Variants in PLXNC1 observed in about 807,000 individuals in gnomAD.
PLXNC1 encodes the protein plexin C1.
Under a neutral mutation model 178.2 loss-of-function variants are expected in PLXNC1, and 75 were observed. The ratio of observed to expected loss-of-function variants is 0.42; its 90% CI spans 0.35 to 0.51. PLXNC1 has a LOEUF of 0.51. PLXNC1 is among the 20% of genes least tolerant of loss of function. PLXNC1 has a pLI of 0.02. For missense variants in PLXNC1, 1,503 were observed against 1,984.4 expected (o/e 0.76, Z 4.61); for synonymous variants, 790 against 779.9 (o/e 1.01, Z -0.22).
intron 2 of PLXNC1, among the ~76,000 whole-genome samples, chr12:94,174,595 T>C (rs1255795492): frequency 1.3e-5 from 2 of 152,212 alleles, no homozygotes; most frequent in Admixed American, 1.3e-4. Context: ...GCCTTGACTC[T>C]GGTTATTGAA....
At chr12:94,249,162 G>A (rs1287075961) in intron 14 of PLXNC1, among the ~76,000 whole-genome samples, 2 of 152,144 alleles carry the variant, frequency 1.3e-5, no homozygotes, top group Non-Finnish European at 2.9e-5. Context: ...ATAGCTCTGT[G>A]GCCTTAGGTA....
intron 15 of PLXNC1, among the ~76,000 whole-genome samples, chr12:94,252,951 G>T (rs1419573228): frequency 6.6e-6 from 1 of 152,178 alleles, no homozygotes; most frequent in Admixed American, 6.5e-5. Flanking sequence ...GGTGGCTCAT[G>T]CCTGTAATCC....
At chr12:94,195,593 C>T (rs944212289) in intron 4 of PLXNC1, among the ~76,000 whole-genome samples, 46 of 152,258 alleles carry the variant, frequency 3.0e-4, no homozygotes, top group African/African-American at 1.1e-3. Context: ...TATAAGGTAT[C>T]TGTATGCGTC....
chr12:94,276,551 C>T (rs1965975095), intron 21 of PLXNC1, among the ~76,000 whole-genome samples: 1 of 152,224 alleles, frequency 6.6e-6, no homozygotes, highest in African/African-American at 2.4e-5. Context: ...TGCAGTTAGG[C>T]AAATCTGGCT....
intron 23 of PLXNC1, among the ~76,000 whole-genome samples, chr12:94,285,090 G>A (rs544416397): frequency 6.9e-6 from 1 of 145,722 alleles, no homozygotes; most frequent in African/African-American, 2.5e-5. Flanking sequence ...GGGATAGTAA[G>A]ATGAGGGTGG....
intron 21 of PLXNC1, among the ~76,000 whole-genome samples, chr12:94,266,230 G>A (rs949681944): frequency 3.3e-5 from 5 of 152,192 alleles, no homozygotes; most frequent in Admixed American, 3.3e-4. Flanking sequence ...ATGTCCTCTG[G>A]TGGGAGAATA....
intron 16 of PLXNC1, 46 bp from the exon 17 acceptor site, chr12:94,255,147 A>G (rs1002075462): frequency 7.2e-7 from 1 of 1,390,326 alleles, no homozygotes; most frequent in Non-Finnish European, 1.0e-6. Context: ...GATCCTATCC[A>G]TTGTTTGTTG....
chr12:94,223,737 C>T (rs1395587778), intron 6 of PLXNC1, among the ~76,000 whole-genome samples: 1 of 152,032 alleles, frequency 6.6e-6, no homozygotes, highest in South Asian at 2.1e-4. Context: ...GACAGTTGAC[C>T]CCAAGAAGAT....
intron 1 of PLXNC1, among the ~76,000 whole-genome samples, chr12:94,152,103 T>C (rs1960982539): frequency 6.6e-6 from 1 of 152,226 alleles, no homozygotes; most frequent in African/African-American, 2.4e-5. Flanking sequence ...CTGTACCCCC[T>C]GAGCTTGTCA....
intron 21 of PLXNC1, chr12:94,278,065 CCTCT>C (rs953600879): frequency 1.1e-5 from 5 of 456,056 alleles, no homozygotes; most frequent in African/African-American, 2.0e-5. Context: ...GCCCCCCCTC[CCTCT>C]GTCTCTGTAT....
intron 21 of PLXNC1, chr12:94,277,662 CCT>C (rs1966075987): frequency 3.1e-6 from 1 of 318,024 alleles, no homozygotes; most frequent in Non-Finnish European, 6.1e-6. Context: ...GCAGCCTCCT[CCT>C]TATTCAGAGA....
intron 23 of PLXNC1, among the ~76,000 whole-genome samples, chr12:94,285,734 G>T (rs1035281365): frequency 2.0e-5 from 3 of 152,264 alleles, no homozygotes; most frequent in Non-Finnish European, 4.4e-5. Flanking sequence ...GCTTATCATG[G>T]CATCAGTTCA....
intron 21 of PLXNC1, chr12:94,277,891 C>G: frequency 2.2e-6 from 1 of 455,228 alleles, no homozygotes; most frequent in South Asian, 1.6e-5. Flanking sequence ...TTATTACACC[C>G]ATTTTTAAGT....
intron 4 of PLXNC1, among the ~76,000 whole-genome samples, chr12:94,206,285 G>A (rs1963296685): frequency 6.6e-6 from 1 of 151,772 alleles, no homozygotes; most frequent in Non-Finnish European, 1.5e-5. Flanking sequence ...TGTTGGGGGT[G>A]AGGGAGGGGG....
intron 24 of PLXNC1, among the ~76,000 whole-genome samples, chr12:94,295,136 C>T (rs147066950): frequency 5.4e-4 from 82 of 152,344 alleles, no homozygotes; most frequent in Middle Eastern, 3.4e-3. Context: ...CCAGTCAAGA[C>T]AATCAGCTCT....
intron 12 of PLXNC1, among the ~76,000 whole-genome samples, chr12:94,247,516 C>T (rs1173177045): frequency 1.3e-5 from 2 of 152,062 alleles, no homozygotes; most frequent in African/African-American, 2.4e-5. Flanking sequence ...ACAGGCTGAC[C>T]CCAAGGACAC....
chr12:94,218,698 T>TACAC (rs540953544), intron 5 of PLXNC1, among the ~76,000 whole-genome samples: 1 of 150,118 alleles, frequency 6.7e-6, no homozygotes, highest in African/African-American at 2.4e-5. Context: ...GTCCCTACTA[T>TACAC]ACACACACAC....
Position 94,279,561 on chromosome 12 carries a change from C to T in PLXNC1, c.3687C>T (p.Thr1229=). 1 of 1,614,102 alleles carries T rather than the reference C, an allele frequency of 6.2e-7. No homozygotes were observed. Among genetic ancestry groups the T allele is most frequent in the Non-Finnish European group, 8.5e-7 (1 of 1,179,952 alleles). Residue 1229 remains threonine, a synonymous_variant, in exon 22 of 31, where the codon ACC becomes ACT. Coordinates refer to ENST00000258526, the MANE Select transcript of PLXNC1 (RefSeq NM_005761.3). ...NISVNVLDCD[T]IGQAKEKIFQ... ...CAGTCAATGTTCTCGACTGTGACACCATTGGCCAAGCCAAAGAAAAGATTT... is the reference window on the plus strand; with the variant it reads ...CAGTCAATGTTCTCGACTGTGACACTATTGGCCAAGCCAAAGAAAAGATTT...
chr12:94,282,286 G>A lies in PLXNC1; in HGVS notation c.3776-12G>A, dbSNP rs1207253240. ...AAAACTCTCTAAAAAGGAACAAAATGCTCTTTTTCAGAGCTTCAAATGGGC... is the reference window on the plus strand; with the variant it reads ...AAAACTCTCTAAAAAGGAACAAAATACTCTTTTTCAGAGCTTCAAATGGGC... On this transcript the variant is annotated splice_polypyrimidine_tract_variant and intron_variant, in intron 22 of 30. Transcript: ENST00000258526. The A allele has an allele frequency of 6.3e-7, 1 of 1,586,794 alleles. No homozygotes were observed. Among genetic ancestry groups the A allele is most frequent in the Non-Finnish European group, 8.6e-7 (1 of 1,157,072 alleles).
Sources: allele counts gnomAD v4.1 joint callset (sites outside exome capture counted in the v4.1 genomes callset), GRCh38; gene constraint gnomAD v4.1.1; transcripts MANE v1.5; gene names NCBI Gene and HGNC (gene_info 2026-07-23, HGNC 2026-07-21).